Variants in FZR1 observed in about 807,000 individuals in gnomAD.
FZR1 encodes the protein fizzy and cell division cycle 20 related 1.
A neutral mutation model predicts 63.6 loss-of-function variants in FZR1; 11 were observed. That is an observed-to-expected ratio of 0.17 (90% CI 0.11 to 0.29). The LOEUF (loss-of-function observed/expected upper bound fraction) is 0.29, where lower values mean the gene tolerates loss of function less well. FZR1 is among the 10% of genes least tolerant of loss of function. FZR1 has a pLI of 1.00. For synonymous variants in FZR1, 328 were observed against 297.9 expected, an observed-to-expected ratio of 1.10 and a Z score of -1.04; for missense variants, 440 against 687.5, an observed-to-expected ratio of 0.64 and a Z score of 4.03.
At chr19:3,517,589 G>GAGGC (rs2083067760) in intron 1 of FZR1, among the ~76,000 whole-genome samples, 2 of 152,010 alleles carry the variant, frequency 1.3e-5, no homozygotes, top group Admixed American at 1.3e-4. Context: ...TTGAGAAGCT[G>GAGGC]AGGCAGGAGA....
chr19:3,512,040 G>A (rs555609063), intron 1 of FZR1, among the ~76,000 whole-genome samples: 6 of 152,080 alleles, frequency 3.9e-5, no homozygotes, highest in South Asian at 2.1e-4. Flanking sequence ...CACCTGCCCC[G>A]GGAGCCCCAT....
chr19:3,514,000 C>G (rs1453416049), intron 1 of FZR1, among the ~76,000 whole-genome samples: 1 of 152,172 alleles, frequency 6.6e-6, no homozygotes, highest in East Asian at 1.9e-4. Context: ...CCCAGCCAAG[C>G]AAGGCGTTGC....
chr19:3,530,126 GGATGGGAGAGCGCATGGGTGAGCA>G lies in FZR1; in HGVS notation c.655-661_655-638del, dbSNP rs1300360404. Among the ~76,000 whole-genome samples the G allele has an allele frequency of 2.3e-5, 3 of 127,920 alleles. 1 individual carries two copies. Among genetic ancestry groups the G allele is most frequent in the Admixed American group, 7.7e-5 (1 of 12,976 alleles). The allele number at this position is 127,920 out of a possible 152,430, so 83.9% of individuals were successfully genotyped here. ...TGGTTGAGGGAGCGGATGGGTGAGC[GGATGGGAGAGCGCATGGGTGAGCA>G]GATGCAAGAGTGGATGAGAGTGGTT... is the stretch of plus-strand genomic sequence containing the variant. On this transcript the variant is annotated intron_variant, in intron 7 of 13. Coordinates refer to ENST00000441788, the MANE Select transcript of FZR1 (RefSeq NM_016263.4).
At chr19:3,530,190 T>G (rs1310591735) in intron 7 of FZR1, among the ~76,000 whole-genome samples, 54 of 53,824 alleles carry the variant, frequency 1.0e-3, no homozygotes, top group Middle Eastern at 0.02. Flanking sequence ...GAGTGGATGG[T>G]TGAGCGGATG....
intron 8 of FZR1, among the ~76,000 whole-genome samples, chr19:3,531,295 ACT>A (rs1206075620): frequency 2.6e-5 from 4 of 152,138 alleles, no homozygotes; most frequent in African/African-American, 9.7e-5. Context: ...GTAACCGCTC[ACT>A]GTGTCCAGGC....
Position 3,534,826 on chromosome 19 carries a change from G to C in FZR1, c.1472G>C (p.Arg491Thr). 1 of 1,612,852 alleles carries C rather than the reference G, an allele frequency of 6.2e-7. No individual in the cohort carries two copies. The highest frequency in any genetic ancestry group is 8.5e-7 in the Non-Finnish European group (1 of 1,179,726). ...GTGTCTGTGCTCAACCTCTTCACCA[G>C]GATCCGGTAAACCTGCCGGGCAGGA... ...ESVSVLNLFT[R>T]IR is the part of the protein sequence containing the mutation. Residue 491 changes from arginine to threonine, a missense_variant, in exon 14 of 14, where the codon AGG becomes ACG. Around this residue, in one of 5 missense-constraint regions of FZR1, gnomAD observed 28 missense variants for 26.3 expected, o/e 1.06. Coordinates refer to ENST00000441788, the MANE Select transcript of FZR1 (RefSeq NM_016263.4).
intron 1 of FZR1, among the ~76,000 whole-genome samples, chr19:3,510,345 G>T (rs1368182729): frequency 6.6e-6 from 1 of 152,134 alleles, no homozygotes; most frequent in East Asian, 1.9e-4. Context: ...ATGTTGCTCA[G>T]GCTGGCCTTG....
In FZR1 at chr19:3,534,221, TAAAATTAA is replaced by T; in HGVS notation, c.1348-195_1348-188del. ...TGGGTGACAGAGCCAGACCCCGTCT[TAAAATTAA>T]AAAAAAAAAAAAAAAAAAGGCTCCA... On this transcript the variant is annotated intron_variant, in intron 12 of 13. Coordinates refer to ENST00000441788, the MANE Select transcript of FZR1 (RefSeq NM_016263.4). The T allele has an allele frequency of 2.0e-5, 9 of 459,068 alleles. No homozygotes were observed. The Admixed American group carries it at 3.2e-4, about 16-fold the overall frequency. 28.4% of individuals were successfully genotyped at this position (459,068 alleles called of 1,614,324 possible). A position where few individuals can be genotyped will look rare whatever the true frequency, so the allele number is the denominator to read the frequency against.
chr19:3,526,030 G>C lies in FZR1; in HGVS notation c.195+37G>C, dbSNP rs1164570086. 5.0e-6 allele frequency: 8 copies of C among 1,611,374 alleles called. No homozygotes were observed. Among genetic ancestry groups the C allele is most frequent in the Non-Finnish European group, 6.8e-6 (8 of 1,179,272 alleles). ...GCTGGGCAGGAGATGGGACCCCCCG[G>C]GAAGCCCAGGGCCCCTCCCAGCCTC... On this transcript the variant is annotated intron_variant, in intron 3 of 13. Coordinates refer to ENST00000441788, the MANE Select transcript of FZR1 (RefSeq NM_016263.4). This position sits in a 1 kb window ranked among gnomAD's most constrained non-coding sequence, Gnocchi z 5.4.
At position 3,526,806 on chromosome 19, in the gene FZR1, TG is replaced by T. The variant is rs906147737; in HGVS notation, c.388-168del. ...GTCCCTCGAGAGAGGGCGGGAGGGG[TG>T]GGGGGTCCGCAGTCCCCGCCAGGAA... On this transcript the variant is annotated intron_variant, in intron 5 of 13. Transcript: ENST00000441788. The surrounding 1 kb of genome is among the most constrained non-coding windows in gnomAD (Gnocchi z 5.4). 7.2e-6 allele frequency among the ~76,000 whole-genome samples: 1 copy of T among 138,960 alleles called. No homozygotes were observed. Among genetic ancestry groups the T allele is most frequent in the African/African-American group, 2.6e-5 (1 of 38,996 alleles). 91.2% of individuals were successfully genotyped at this position (138,960 alleles called of 152,430 possible).
intron 1 of FZR1, among the ~76,000 whole-genome samples, chr19:3,513,746 G>A (rs1002766830): frequency 6.6e-6 from 1 of 152,072 alleles, no homozygotes; most frequent in African/African-American, 2.4e-5. Flanking sequence ...CCTGCTCCAC[G>A]TCCCCTGTGG....
intron 1 of FZR1, among the ~76,000 whole-genome samples, chr19:3,507,893 T>TGCTGGCC (rs1323816678): frequency 1.3e-5 from 2 of 152,244 alleles, no homozygotes; most frequent in African/African-American, 4.8e-5. Flanking sequence ...GAGGCAGGTG[T>TGCTGGCC]GCTGGCCACT....
Position 3,526,966 on chromosome 19 carries a change from C to A in FZR1, c.388-14C>A, listed in dbSNP as rs754791892. 1.3e-6 allele frequency: 2 copies of A among 1,599,356 alleles called. No homozygotes were observed. The highest frequency in any genetic ancestry group is 8.6e-7 in the Non-Finnish European group (1 of 1,169,412). ...CTGGGCGTGCGCTCAGCTGGCATGT[C>A]CCCCGCTCCACAGTATTCCCTTAGC... On this transcript the variant is annotated splice_polypyrimidine_tract_variant and intron_variant, in intron 5 of 13. Transcript: ENST00000441788. The surrounding 1 kb of genome is among the most constrained non-coding windows in gnomAD (Gnocchi z 5.4).
chr19:3,519,973 G>A (rs191599322), intron 1 of FZR1, among the ~76,000 whole-genome samples: 19 of 144,506 alleles, frequency 1.3e-4, no homozygotes, highest in Middle Eastern at 3.8e-3. Context: ...CACAGCTCTC[G>A]TGGGGCTCAG....
At position 3,533,776 on chromosome 19, in the gene FZR1, G is replaced by GAC. The variant is rs879914572; in HGVS notation, c.1347+378_1347+379insAC. On this transcript the variant is annotated intron_variant, in intron 12 of 13. Coordinates refer to ENST00000441788, the MANE Select transcript of FZR1 (RefSeq NM_016263.4). The surrounding 1 kb of genome is among the most constrained non-coding windows in gnomAD (Gnocchi z 4.9). Reference sequence around the variant, plus strand: ...CGTGGCTGGATGGGGGCCAGGAGGCGTCCTTGGCCCCACGTGCCCTCACTT... The same window carrying GAC: ...CGTGGCTGGATGGGGGCCAGGAGGCGACTCCTTGGCCCCACGTGCCCTCACTT... The GAC allele has an allele frequency of 0.046, 9,646 of 208,060 alleles. 908 individuals are homozygous for GAC. The highest frequency in any genetic ancestry group is 0.21 in the African/African-American group (8,899 of 43,022). The allele number at this position is 208,060 out of a possible 1,614,324, so 12.9% of individuals were successfully genotyped here. A position where few individuals can be genotyped will look rare whatever the true frequency, so the allele number is the denominator to read the frequency against.
chr19:3,523,078 C>A lies in FZR1; in HGVS notation c.69+20C>A. Reference sequence around the variant, plus strand: ...CCACGCGTGAGTGCCCCCGCCCTGCCCACCACTGTGGCTCCCCCTCCCCCA... The same window carrying A: ...CCACGCGTGAGTGCCCCCGCCCTGCACACCACTGTGGCTCCCCCTCCCCCA... On this transcript the variant is annotated intron_variant, in intron 2 of 13. Coordinates refer to ENST00000441788, the MANE Select transcript of FZR1 (RefSeq NM_016263.4). 6.7e-7 allele frequency: 1 copy of A among 1,501,986 alleles called. No homozygotes were observed. The highest frequency in any genetic ancestry group is 9.3e-7 in the Non-Finnish European group (1 of 1,078,646). 93.0% of individuals were successfully genotyped at this position (1,501,986 alleles called of 1,614,324 possible). A position where few individuals can be genotyped will look rare whatever the true frequency, so the allele number is the denominator to read the frequency against.
chr19:3,533,276 G>GC lies in FZR1; in HGVS notation c.1243-13dup. 1 of 1,511,366 alleles carries GC rather than the reference G, an allele frequency of 6.6e-7. No homozygotes were observed. The highest frequency in any genetic ancestry group is 9.2e-7 in the Non-Finnish European group (1 of 1,088,294). The allele number at this position is 1,511,366 out of a possible 1,614,324, so 93.6% of individuals were successfully genotyped here. A position where few individuals can be genotyped will look rare whatever the true frequency, so the allele number is the denominator to read the frequency against. On this transcript the variant is annotated splice_polypyrimidine_tract_variant and intron_variant, in intron 11 of 13. Coordinates refer to ENST00000441788, the MANE Select transcript of FZR1 (RefSeq NM_016263.4). The surrounding 1 kb of genome is among the most constrained non-coding windows in gnomAD (Gnocchi z 4.9). ...CTCGTTGCCCCTCACCGACCGCAGC[G>GC]CCCCCTCCGCCCTCCAGGTGAGCAC... is the stretch of plus-strand genomic sequence containing the variant.
In FZR1 at chr19:3,525,769, C is replaced by T. The variant is rs748995704; in HGVS notation, c.70-99C>T. On this transcript the variant is annotated intron_variant, in intron 2 of 13. Coordinates refer to ENST00000441788, the MANE Select transcript of FZR1 (RefSeq NM_016263.4). The surrounding 1 kb of genome is among the most constrained non-coding windows in gnomAD (Gnocchi z 4.2). ...CCCCTTGGGTTTTCAAGATCAAAGC[C>T]CCCTTTGCTCAGTGGCCAGAGGCTG... 98 of 1,420,894 alleles carry T rather than the reference C, an allele frequency of 6.9e-5. No homozygotes were observed. In the Admixed American group the frequency reaches 1.5e-3, roughly 22 times the overall value. 88.0% of individuals were successfully genotyped at this position (1,420,894 alleles called of 1,614,324 possible).
chr19:3,507,121 C>G (rs1296313012), intron 1 of FZR1, among the ~76,000 whole-genome samples: 2 of 152,078 alleles, frequency 1.3e-5, no homozygotes, highest in African/African-American at 2.4e-5. Context: ...CCCGTCTCAC[C>G]TCATCTCGCT....
Sources: gnomAD v4.1 joint callset for allele counts (sites outside exome capture counted in the v4.1 genomes callset) on GRCh38, gnomAD v4.1.1 for gene constraint, gnomAD v4.1.1 regional missense constraint, Gnocchi (gnomAD v3.1) non-coding constraint, MANE v1.5 for transcripts, NCBI Gene and HGNC (gene_info 2026-07-23, HGNC 2026-07-21) for gene names.